Variants in BHMT2 observed in about 807,000 individuals in gnomAD.
BHMT2 encodes the protein betaine--homocysteine S-methyltransferase 2, also known as S-methylmethionine--homocysteine S-methyltransferase BHMT2.
Under a neutral mutation model 39.0 loss-of-function variants are expected in BHMT2, and 28 were observed. The observed-to-expected ratio is 0.72, with a 90% CI of 0.53 to 0.98. BHMT2 has a LOEUF of 0.98. Ranked by LOEUF, BHMT2 falls within the 50% of genes least tolerant of loss-of-function variation. The pLI is 0.00. For missense variants in BHMT2, 410 were observed against 455.6 expected (o/e 0.90, Z 0.91); for synonymous variants, 145 against 160.6 (o/e 0.90, Z 0.74).
At chr5:79,073,049 C>T (rs1191437875) in intron 1 of BHMT2, among the ~76,000 whole-genome samples, 3 of 148,796 alleles carry the variant, frequency 2.0e-5, no homozygotes, top group Non-Finnish European at 4.4e-5. Flanking sequence ...CTGTAACTTC[C>T]AACTCCCAGG....
At chr5:79,077,132 C>T (rs912760379) in intron 1 of BHMT2, among the ~76,000 whole-genome samples, 46 of 152,136 alleles carry the variant, frequency 3.0e-4, no homozygotes, top group African/African-American at 1.1e-3. Context: ...CATTGTCCCC[C>T]CACACAAAAA....
At chr5:79,080,247 T>C (rs1039764629) in intron 3 of BHMT2, among the ~76,000 whole-genome samples, 1 of 152,272 alleles carries the variant, frequency 6.6e-6, no homozygotes, top group Non-Finnish European at 1.5e-5. Flanking sequence ...CTTAAATTCA[T>C]AGACCTGTTG....
intron 7 of BHMT2, among the ~76,000 whole-genome samples, chr5:79,087,012 G>GTATATATATATATA (rs1237997664): frequency 4.6e-5 from 5 of 108,144 alleles, no homozygotes; most frequent in Non-Finnish European, 7.1e-5. Flanking sequence ...GTGTGTGTGT[G>GTATATATATATATA]TGTATATATA....
intron 1 of BHMT2, among the ~76,000 whole-genome samples, chr5:79,072,224 G>A (rs948106574): frequency 7.3e-5 from 11 of 151,706 alleles, no homozygotes; most frequent in East Asian, 1.9e-4. Flanking sequence ...CTGAGATCGC[G>A]CTACTGCACT....
intron 6 of BHMT2, 43 bp downstream of exon 6, chr5:79,083,417 C>T: frequency 6.5e-7 from 1 of 1,539,100 alleles, no homozygotes; most frequent in African/African-American, 1.4e-5. Flanking sequence ...TTTCTCGTGA[C>T]AAAATCCAAA....
rs1755561710 is a variant in BHMT2 at position 79,071,214 on chromosome 5, A to T, written c.33+1399A>T. 3 of 152,236 alleles carry T rather than the reference A, an allele frequency of 2.0e-5. No homozygotes were observed. The East Asian group carries it at 5.8e-4, about 29-fold the overall frequency. 9.4% of individuals were successfully genotyped at this position (152,236 alleles called of 1,614,324 possible). On this transcript the variant is annotated intron_variant, in intron 1 of 7. Transcript: ENST00000255192. ...AATCTCACCTCTCTCCTCAGCTAGC[A>T]GGTACATTTTAAGAATTCATTTAAT...
intron 4 of BHMT2, among the ~76,000 whole-genome samples, chr5:79,081,932 C>T (rs983235224): frequency 6.6e-6 from 1 of 152,182 alleles, no homozygotes; most frequent in Non-Finnish European, 1.5e-5. Flanking sequence ...TACTGAAAAC[C>T]TTGCCTCATC....
chr5:79,080,989 T>C, intron 4 of BHMT2, 111 bp downstream of exon 4: 1 of 1,037,446 alleles, frequency 9.6e-7, no homozygotes, highest in South Asian at 1.9e-5. Context: ...TTCTTCCATG[T>C]GGATGGTCAA....
At chr5:79,081,790 G>A (rs1052023939) in intron 4 of BHMT2, among the ~76,000 whole-genome samples, 5 of 152,116 alleles carry the variant, frequency 3.3e-5, no homozygotes, top group Non-Finnish European at 7.4e-5. Context: ...AACCTGGGAG[G>A]CGGAGGTTGC....
Position 79,082,841 on chromosome 5 carries a change from T to C in BHMT2, c.483T>C (p.Ala161=). ...YFEHVEEAVW[A]VEVLKESDRP... The stretch of plus-strand genomic sequence containing the variant: ...AGCACGTTGAAGAAGCTGTGTGGGC[T>C]GTGGAAGTCTTAAAAGAATCAGATA... Residue 161 remains alanine, a synonymous_variant, in exon 5 of 8, where the codon GCT becomes GCC. Coordinates refer to ENST00000255192, the MANE Select transcript of BHMT2 (RefSeq NM_017614.5). The C allele has an allele frequency of 6.2e-7, 1 of 1,614,188 alleles. No homozygotes were observed.
At position 79,083,504 on chromosome 5, in the gene BHMT2, A is replaced by G. The variant is rs1755831845; in HGVS notation, c.782-124A>G. ...AAACATTCAGAGTTAACCAAAAATG[A>G]GCTATCAGAAGAATGCATCATCTAA... is the stretch of plus-strand genomic sequence containing the variant. On this transcript the variant is annotated intron_variant, in intron 6 of 7. Coordinates refer to ENST00000255192, the MANE Select transcript of BHMT2 (RefSeq NM_017614.5). 9 of 1,464,078 alleles carry G rather than the reference A, an allele frequency of 6.1e-6. No homozygotes were observed. In the South Asian group the frequency reaches 1.3e-4, roughly 21 times the overall value. The allele number at this position is 1,464,078 out of a possible 1,614,324, so 90.7% of individuals were successfully genotyped here.
intron 2 of BHMT2, among the ~76,000 whole-genome samples, chr5:79,078,560 T>C (rs544847425): frequency 1.3e-5 from 2 of 152,324 alleles, no homozygotes; most frequent in Non-Finnish European, 2.9e-5. Context: ...TCACTTGACC[T>C]CTCCAAGGAT....
At chr5:79,074,362 C>T (rs892398051) in intron 1 of BHMT2, among the ~76,000 whole-genome samples, 12 of 152,170 alleles carry the variant, frequency 7.9e-5, no homozygotes, top group African/African-American at 2.9e-4. Flanking sequence ...TGGTTCCATA[C>T]TGTTAACAGG....
At chr5:79,070,950 G>A (rs1755555908) in intron 1 of BHMT2, 1 of 152,170 alleles carries the variant, frequency 6.6e-6, no homozygotes, top group Admixed American at 6.5e-5. Context: ...GGTTATAAAA[G>A]CAAAATGTGA....
At position 79,088,675 on chromosome 5, in the gene BHMT2, A is replaced by G. The variant is rs1435549980; in HGVS notation, c.*101A>G. 2 of 894,484 alleles carry G rather than the reference A, an allele frequency of 2.2e-6. No homozygotes were observed. The highest frequency in any genetic ancestry group is 1.7e-5 in the African/African-American group (1 of 59,916). 55.4% of individuals were successfully genotyped at this position (894,484 alleles called of 1,614,324 possible). On this transcript the variant is annotated 3_prime_UTR_variant, in exon 8 of 8. Coordinates refer to ENST00000255192, the MANE Select transcript of BHMT2 (RefSeq NM_017614.5). ...ACCTTCATCCTCACCATGCCCTGCT[A>G]TCTCCAGCTGCTGAGCAGCTGAGGT...
rs140840953 is a variant in BHMT2 at position 79,077,736 on chromosome 5, G to A, written c.166+124G>A. ...GTGTTTTGCTTGCTAAGATTGCCAA[G>A]ATGTGGAGATAATGGCAGTATACAG... On this transcript the variant is annotated intron_variant, in intron 2 of 7. Coordinates refer to ENST00000255192, the MANE Select transcript of BHMT2 (RefSeq NM_017614.5). The A allele has an allele frequency of 8.3e-6, 10 of 1,200,492 alleles. No homozygotes were observed. The East Asian group carries it at 2.4e-4, about 29-fold the overall frequency. 74.4% of individuals were successfully genotyped at this position (1,200,492 alleles called of 1,614,324 possible).
chr5:79,087,022 A>G (rs1448709778), intron 7 of BHMT2, among the ~76,000 whole-genome samples: 16 of 145,744 alleles, frequency 1.1e-4, no homozygotes, highest in African/African-American at 4.0e-4. Context: ...GTGTATATAT[A>G]TATATATATA....
chr5:79,069,961 T>C lies in BHMT2; in HGVS notation c.33+146T>C, dbSNP rs529245895. 1.0e-5 allele frequency: 9 copies of C among 896,344 alleles called. No individual in the cohort carries two copies. The East Asian group carries it at 1.7e-4, about 17-fold the overall frequency. 55.5% of individuals were successfully genotyped at this position (896,344 alleles called of 1,614,324 possible). ...ATGGCCCTGAGCCTCAATTTTCCCCTGTCACGGGTTGGTTAGCGTTTATGG... is the reference window on the plus strand; with the variant it reads ...ATGGCCCTGAGCCTCAATTTTCCCCCGTCACGGGTTGGTTAGCGTTTATGG... On this transcript the variant is annotated intron_variant, in intron 1 of 7. Transcript: ENST00000255192.
At chr5:79,082,521 C>A in intron 4 of BHMT2, 2 of 226,720 alleles carry the variant, frequency 8.8e-6, no homozygotes, top group Non-Finnish European at 1.7e-5. Flanking sequence ...TACTCAATTA[C>A]TTTGAAAACC....
Sources: gnomAD v4.1 joint callset for allele counts (sites outside exome capture counted in the v4.1 genomes callset) on GRCh38, gnomAD v4.1.1 for gene constraint, MANE v1.5 for transcripts, NCBI Gene and HGNC (gene_info 2026-07-23, HGNC 2026-07-21) for gene names.